ARHGAP17: variants seen among roughly 807,000 people sequenced by gnomAD.
ARHGAP17 encodes the protein rho GTPase-activating protein 17.
A neutral mutation model predicts 99.5 loss-of-function variants in ARHGAP17; 57 were observed. That is an observed-to-expected ratio of 0.57 (90% CI 0.46 to 0.71). ARHGAP17 has a LOEUF of 0.71. Ranked by LOEUF, ARHGAP17 falls within the 30% of genes least tolerant of loss-of-function variation. The pLI, the probability that ARHGAP17 is intolerant of heterozygous loss-of-function variation, is 0.00. For synonymous variants in ARHGAP17, 417 were observed against 429.6 expected, an observed-to-expected ratio of 0.97 and a Z score of 0.36; for missense variants, 1,000 against 1,122.4, an observed-to-expected ratio of 0.89 and a Z score of 1.56.
chr16:24,928,784 G>A (rs529335639), intron 19 of ARHGAP17, among the ~76,000 whole-genome samples: 42 of 152,238 alleles, frequency 2.8e-4, no homozygotes, highest in African/African-American at 9.6e-4. Flanking sequence ...TAGACCCAGC[G>A]GCAGACTTAG....
intron 14 of ARHGAP17, among the ~76,000 whole-genome samples, chr16:24,944,993 A>G (rs911380523): frequency 5.3e-5 from 8 of 151,666 alleles, no homozygotes; most frequent in African/African-American, 1.9e-4. Flanking sequence ...TAGTCTCAAG[A>G]TGAGTGTTCA....
intron 1 of ARHGAP17, among the ~76,000 whole-genome samples, chr16:24,982,990 ATATATATTTTTTTTTTTTT>A (rs1205191009): frequency 3.1e-5 from 1 of 32,472 alleles, no homozygotes; most frequent in African/African-American, 1.3e-4. Context: ...ATATATATAT[ATATATATTTTTTTTTTTTT>A]TTTTTTTTTT....
intron 1 of ARHGAP17, among the ~76,000 whole-genome samples, chr16:25,000,822 C>T (rs1260789597): frequency 1.3e-5 from 2 of 152,210 alleles, no homozygotes; most frequent in Non-Finnish European, 2.9e-5. Context: ...TATAGTTGGA[C>T]TACTACAAAT....
At chr16:24,995,051 C>T (rs2053154337) in intron 1 of ARHGAP17, among the ~76,000 whole-genome samples, 1 of 152,020 alleles carries the variant, frequency 6.6e-6, no homozygotes, top group Admixed American at 6.6e-5. Context: ...GGAGAAATGC[C>T]GAGCAAAAGG....
At chr16:24,952,512 A>G (rs2051674608) in intron 11 of ARHGAP17, 142 bp from the exon 12 acceptor site, 3 of 584,294 alleles carry the variant, frequency 5.1e-6, no homozygotes, top group Admixed American at 3.7e-5. Flanking sequence ...AAGAGTTGTT[A>G]GAGACTAAAA....
chr16:24,992,576 C>T (rs1012221200), intron 1 of ARHGAP17, among the ~76,000 whole-genome samples: 8 of 152,044 alleles, frequency 5.3e-5, no homozygotes, highest in Non-Finnish European at 8.8e-5. Context: ...CCTCATGATC[C>T]GCCCACCTCG....
chr16:24,991,811 T>C (rs2053051471), intron 1 of ARHGAP17, among the ~76,000 whole-genome samples: 1 of 152,132 alleles, frequency 6.6e-6, no homozygotes. Context: ...GAGCCTCAGA[T>C]TTTAGATATT....
intron 1 of ARHGAP17, among the ~76,000 whole-genome samples, chr16:25,006,829 A>G (rs2053520239): frequency 6.6e-6 from 1 of 152,218 alleles, no homozygotes; most frequent in Non-Finnish European, 1.5e-5. Flanking sequence ...GTTCAATTTT[A>G]TCAGGCCATG....
chr16:24,927,068 C>T (rs1178738150), intron 19 of ARHGAP17, among the ~76,000 whole-genome samples: 3 of 152,054 alleles, frequency 2.0e-5, no homozygotes, highest in African/African-American at 7.2e-5. Context: ...GTCAGGAGTT[C>T]GAGACCAGCC....
chr16:24,998,475 A>G (rs2053264858), intron 1 of ARHGAP17, among the ~76,000 whole-genome samples: 1 of 152,088 alleles, frequency 6.6e-6, no homozygotes, highest in Admixed American at 6.6e-5. Context: ...GGCCTCAGAC[A>G]CTGGGGAAAG....
intron 1 of ARHGAP17, among the ~76,000 whole-genome samples, chr16:24,995,548 G>A (rs1276743496): frequency 6.6e-6 from 1 of 152,178 alleles, no homozygotes; most frequent in Non-Finnish European, 1.5e-5. Context: ...AAGATTGTGA[G>A]CAAACTTATT....
At position 25,015,178 on chromosome 16, in the gene ARHGAP17, G is replaced by C. The variant is rs542281017; in HGVS notation, c.53+31C>G. 898 of 1,279,722 alleles carry C rather than the reference G, an allele frequency of 7.0e-4. 5 individuals carry two copies. In the African/African-American group the frequency reaches 8.9e-3, roughly 13 times the overall value. 79.3% of individuals were successfully genotyped at this position (1,279,722 alleles called of 1,614,324 possible). On this transcript the variant is annotated intron_variant, in intron 1 of 19. Coordinates refer to ENST00000289968, the MANE Select transcript of ARHGAP17 (RefSeq NM_001006634.3). ...CCTCCGCCCTCCGCCCCCAGCCCCG[G>C]TGCGACCCCCGTGCTGCCCGGCGCA...
intron 19 of ARHGAP17, 30 bp downstream of exon 19, chr16:24,930,754 A>G: frequency 6.2e-7 from 1 of 1,614,218 alleles, no homozygotes; most frequent in Non-Finnish European, 8.5e-7. Flanking sequence ...AGAGCAGACG[A>G]GGAAATACGG....
chr16:24,930,916 G>T lies in ARHGAP17; in HGVS notation c.2383C>A (p.Pro795Thr), dbSNP rs775228784. 1 of 1,614,002 alleles carries T rather than the reference G, an allele frequency of 6.2e-7. No individual in the cohort carries two copies. The highest frequency in any genetic ancestry group is 1.7e-5 in the Admixed American group (1 of 60,004). ...GGCTTTGGTACTGGTCTCGGTCTCG[G>T]TAAGGTTCCAGCATGTGGCTGTGCA... ...ETAQPHAGTL[P>T]RPRPVPKPRN... Residue 795 changes from proline to threonine, a missense_variant, in exon 19 of 20, where the codon CCG (proline) becomes ACG (threonine). By Grantham distance (38) the Pro-to-Thr change is conservative (BLOSUM62 -1). Coordinates refer to ENST00000289968, the MANE Select transcript of ARHGAP17 (RefSeq NM_001006634.3).
At chr16:24,929,503 G>A in intron 19 of ARHGAP17, 7 of 763,454 alleles carry the variant, frequency 9.2e-6, no homozygotes, top group Non-Finnish European at 9.6e-6. Flanking sequence ...ACGGTCAAAC[G>A]GCTGCTCCTG....
At chr16:24,982,125 TG>T (rs1459190168) in intron 1 of ARHGAP17, among the ~76,000 whole-genome samples, 2 of 151,882 alleles carry the variant, frequency 1.3e-5, no homozygotes, top group Non-Finnish European at 2.9e-5. Flanking sequence ...TTTTAGAGGT[TG>T]GGGGTGGTGG....
chr16:24,981,786 T>C (rs768725186), intron 1 of ARHGAP17, among the ~76,000 whole-genome samples: 3 of 152,078 alleles, frequency 2.0e-5, no homozygotes, highest in Non-Finnish European at 4.4e-5. Flanking sequence ...TGGCCAGGGG[T>C]GAAGTGTGCC....
At chr16:24,974,196 C>T (rs552311742) in intron 3 of ARHGAP17, among the ~76,000 whole-genome samples, 5 of 152,182 alleles carry the variant, frequency 3.3e-5, no homozygotes, top group East Asian at 1.9e-4. Flanking sequence ...TTCGGGAGGC[C>T]GAGGAGGGAG....
At chr16:24,929,154 C>CT (rs77376064) in intron 19 of ARHGAP17, among the ~76,000 whole-genome samples, 7,453 of 140,030 alleles carry the variant, frequency 0.053, 590 homozygotes, top group African/African-American at 0.18. Context: ...GAAGATATTC[C>CT]TTTTTTTTTT....
Sources: gnomAD v4.1 joint callset for allele counts (sites outside exome capture counted in the v4.1 genomes callset) on GRCh38, gnomAD v4.1.1 for gene constraint, MANE v1.5 for transcripts, NCBI Gene and HGNC (gene_info 2026-07-23, HGNC 2026-07-21) for gene names.